Variants in SCML2 observed in about 807,000 individuals in gnomAD.
The protein encoded by SCML2 is sex comb on midleg-like protein 2.
Under a neutral mutation model 48.4 loss-of-function variants are expected in SCML2, and 6 were observed. The ratio of observed to expected loss-of-function variants is 0.12; its 90% CI spans 0.07 to 0.24. The LOEUF (loss-of-function observed/expected upper bound fraction) is 0.24. Among genes scored for constraint, SCML2 ranks in the 10% least tolerant of loss-of-function variants. SCML2 has a pLI of 1.00. For missense variants in SCML2, 377 were observed against 528.2 expected (o/e 0.71, Z 2.81); for synonymous variants, 181 against 189.5 (o/e 0.95, Z 0.37).
chrX:18,348,747 A>T (rs1178362920), intron 1 of SCML2, among the ~76,000 whole-genome samples: 2 of 112,243 alleles, frequency 1.8e-5, no homozygotes, highest in African/African-American at 3.2e-5. Flanking sequence ...ATAACATTTT[A>T]AAAAATATTT....
At chrX:18,345,500 T>G (rs1209836258) in intron 1 of SCML2, among the ~76,000 whole-genome samples, 7 of 109,577 alleles carry the variant, frequency 6.4e-5, no homozygotes, top group Non-Finnish European at 1.3e-4. Flanking sequence ...CAGGTGATCC[T>G]CCCACCTCAC....
chrX:18,301,564 T>C (rs1381994276), intron 7 of SCML2, among the ~76,000 whole-genome samples: 1 of 111,235 alleles, frequency 9.0e-6, no homozygotes, highest in Non-Finnish European at 1.9e-5. Context: ...TTGAGTCCAA[T>C]AGTTCAAGAC....
intron 6 of SCML2, among the ~76,000 whole-genome samples, chrX:18,317,759 G>A (rs1411821772): frequency 9.4e-6 from 1 of 106,217 alleles, no homozygotes; most frequent in Admixed American, 1.0e-4. Context: ...GCGTGAACCC[G>A]GGAGGCGGAG....
intron 10 of SCML2, among the ~76,000 whole-genome samples, chrX:18,257,648 G>C (rs911137269): frequency 9.1e-6 from 1 of 109,811 alleles, no homozygotes; most frequent in African/African-American, 3.3e-5. Context: ...AGCATTCTGC[G>C]AGGCCAAGGT....
intron 11 of SCML2, among the ~76,000 whole-genome samples, chrX:18,252,055 C>G (rs983570992): frequency 2.7e-5 from 3 of 112,309 alleles, no homozygotes; most frequent in African/African-American, 9.7e-5. Flanking sequence ...GGGCAGATCA[C>G]TTGAGGTCAG....
chrX:18,268,793 T>C (rs1927348181), intron 7 of SCML2, among the ~76,000 whole-genome samples: 1 of 110,574 alleles, frequency 9.0e-6, no homozygotes, highest in Non-Finnish European at 1.9e-5. Context: ...AAAAGTTTTC[T>C]CTCTAGTTTT....
chrX:18,352,633 C>A (rs761994559), intron 1 of SCML2, among the ~76,000 whole-genome samples: 1 of 111,833 alleles, frequency 8.9e-6, no homozygotes, highest in Non-Finnish European at 1.9e-5. Flanking sequence ...AATTAGCACA[C>A]GTAGTGGGCT....
Position 18,241,397 on chromosome X carries a change from T to A in SCML2, c.1975-18A>T, listed in dbSNP as rs747330113. 4 of 1,108,905 alleles carry A rather than the reference T, an allele frequency of 3.6e-6. No individual in the cohort carries two copies. The highest frequency in any genetic ancestry group is 4.8e-6 in the Non-Finnish European group (4 of 834,686). 91.4% of individuals were successfully genotyped at this position (1,108,905 alleles called of 1,213,427 possible). On this transcript the variant is annotated intron_variant, in intron 14 of 14. Coordinates refer to ENST00000251900, the MANE Select transcript of SCML2 (RefSeq NM_006089.3). ...TCAATTTCCTACAGAGAGAAGGAAA[T>A]CATAATCATTAATAATGCTTTCATA...
intron 7 of SCML2, among the ~76,000 whole-genome samples, chrX:18,283,836 A>G (rs760470758): frequency 2.7e-5 from 3 of 112,560 alleles, no homozygotes; most frequent in Non-Finnish European, 3.8e-5. Flanking sequence ...GGAAGACTCA[A>G]TATCATTAAA....
intron 7 of SCML2, among the ~76,000 whole-genome samples, chrX:18,276,554 C>T (rs1024947704): frequency 5.4e-5 from 6 of 111,309 alleles, no homozygotes; most frequent in Non-Finnish European, 7.5e-5. Flanking sequence ...GCACTATTCA[C>T]GGTAGCCAAA....
In SCML2 at chrX:18,301,721, G is replaced by A. The variant is rs559787905; in HGVS notation, c.730+3251C>T. Among the ~76,000 whole-genome samples the A allele has an allele frequency of 8.1e-5, 9 of 111,525 alleles. No homozygotes were observed. In the South Asian group the frequency reaches 3.1e-3, roughly 38 times the overall value. On this transcript the variant is annotated intron_variant, in intron 7 of 14. Transcript: ENST00000251900. ...GCACCTGGAGAGTTGAAGCTGCAGT[G>A]AGCCATGATTGCACCACTGCACTCC...
chrX:18,337,830 G>C (rs375866326), intron 1 of SCML2, among the ~76,000 whole-genome samples: 3 of 111,362 alleles, frequency 2.7e-5, no homozygotes, highest in East Asian at 5.7e-4. Context: ...AGCTCACATG[G>C]AACATTCACT....
At chrX:18,339,112 C>G (rs1301830502) in intron 1 of SCML2, among the ~76,000 whole-genome samples, 4 of 110,851 alleles carry the variant, frequency 3.6e-5, no homozygotes, top group African/African-American at 1.3e-4. Context: ...TATGTTCCAA[C>G]TTGGATTTCC....
chrX:18,302,114 C>T (rs1225621483), intron 7 of SCML2, among the ~76,000 whole-genome samples: 1 of 110,568 alleles, frequency 9.0e-6, no homozygotes, highest in African/African-American at 3.3e-5. Context: ...GCAGATCTCA[C>T]AAAGTATTGG....
chrX:18,353,351 C>T (rs926016755), intron 1 of SCML2, among the ~76,000 whole-genome samples: 1 of 112,114 alleles, frequency 8.9e-6, no homozygotes, highest in African/African-American at 3.2e-5. Flanking sequence ...AAATGTTGTA[C>T]ATCTTAAAAT....
intron 3 of SCML2, among the ~76,000 whole-genome samples, chrX:18,329,179 TA>T (rs1253629085): frequency 8.9e-6 from 1 of 112,093 alleles, no homozygotes; most frequent in African/African-American, 3.2e-5. Flanking sequence ...TATAACTCAG[TA>T]AAGCTGTTAT....
chrX:18,280,446 G>T (rs1471080860), intron 7 of SCML2, among the ~76,000 whole-genome samples: 1 of 112,006 alleles, frequency 8.9e-6, no homozygotes, highest in Non-Finnish European at 1.9e-5. Flanking sequence ...TATAAAGCAA[G>T]TATGCAATTA....
chrX:18,292,783 C>T (rs1266911036), intron 7 of SCML2, among the ~76,000 whole-genome samples: 1 of 111,214 alleles, frequency 9.0e-6, no homozygotes, highest in Non-Finnish European at 1.9e-5. Context: ...TCTAAAGGTA[C>T]ATATAGAAAT....
At chrX:18,309,841 GATAAA>G (rs1335748849) in intron 6 of SCML2, among the ~76,000 whole-genome samples, 9 of 111,062 alleles carry the variant, frequency 8.1e-5, no homozygotes, top group Non-Finnish European at 1.7e-4. Flanking sequence ...TTACCTGGGT[GATAAA>G]ATAATCTGTG....
Sources: gnomAD v4.1 joint callset for allele counts (sites outside exome capture counted in the v4.1 genomes callset) on GRCh38, gnomAD v4.1.1 for gene constraint, MANE v1.5 for transcripts, NCBI Gene and HGNC (gene_info 2026-07-23, HGNC 2026-07-21) for gene names.